Variants in NSD2 observed in about 807,000 individuals in gnomAD.
The protein encoded by NSD2 is nuclear receptor binding SET domain protein 2, also known as histone-lysine N-methyltransferase NSD2.
A neutral mutation model predicts 139.0 loss-of-function variants in NSD2; 12 were observed. The observed-to-expected ratio is 0.09, with a 90% CI of 0.06 to 0.14. The LOEUF (loss-of-function observed/expected upper bound fraction) is 0.14, where lower values mean the gene tolerates loss of function less well. Ranked by LOEUF, NSD2 falls within the 10% of genes least tolerant of loss-of-function variation. The pLI, the probability that NSD2 is intolerant of heterozygous loss-of-function variation, is 1.00. For synonymous variants in NSD2, 669 were observed against 648.7 expected, an observed-to-expected ratio of 1.03 and a Z score of -0.48; for missense variants, 1,155 against 1,745.0, an observed-to-expected ratio of 0.66 and a Z score of 6.02.
chr4:1,924,358 G>A (rs913629292), intron 5 of NSD2, among the ~76,000 whole-genome samples: 3 of 152,032 alleles, frequency 2.0e-5, no homozygotes, highest in Non-Finnish European at 2.9e-5. Flanking sequence ...GTAAGGCGGT[G>A]TCGGGTGGGA....
intron 1 of NSD2, among the ~76,000 whole-genome samples, chr4:1,875,249 GTGCCCGGCCAAGT>G (rs1714161277): frequency 6.6e-6 from 1 of 150,806 alleles, no homozygotes. Context: ...GTGAACCACT[GTGCCCGGCCAAGT>G]TGCAGTATAG....
intron 5 of NSD2, among the ~76,000 whole-genome samples, chr4:1,923,999 C>T (rs1720519046): frequency 6.6e-6 from 1 of 152,166 alleles, no homozygotes; most frequent in African/African-American, 2.4e-5. Context: ...ATGTGCCTCT[C>T]TCCAGGAGCC....
intron 1 of NSD2, among the ~76,000 whole-genome samples, chr4:1,896,176 C>T (rs760335527): frequency 2.6e-5 from 4 of 152,218 alleles, no homozygotes; most frequent in Admixed American, 2.0e-4. Flanking sequence ...GCCAGCTGCT[C>T]GCCATGACTC....
chr4:1,939,564 G>C (rs533769083), intron 8 of NSD2, 90 bp from the exon 9 acceptor site: 2 of 1,294,108 alleles, frequency 1.5e-6, no homozygotes, highest in East Asian at 2.4e-5. Context: ...TTCATCTTTA[G>C]AACTTCACTT....
intron 9 of NSD2, chr4:1,945,067 C>G: frequency 9.4e-7 from 1 of 1,066,318 alleles, no homozygotes; most frequent in African/African-American, 1.6e-5. Context: ...GCTCCTCTGT[C>G]CCACTGCTGC....
chr4:1,916,565 C>T (rs1207328589), intron 3 of NSD2, among the ~76,000 whole-genome samples: 1 of 152,258 alleles, frequency 6.6e-6, no homozygotes, highest in Non-Finnish European at 1.5e-5. Context: ...AGGCTGGTCT[C>T]GAAATCCTGA....
At chr4:1,919,080 C>T (rs1314209383) in intron 5 of NSD2, 1 of 157,802 alleles carries the variant, frequency 6.3e-6, no homozygotes, top group Admixed American at 6.1e-5. Flanking sequence ...CAGGAGGATC[C>T]CTTGAGTCCT....
Position 1,948,306 on chromosome 4 carries a change from G to T in NSD2, c.1882-2766G>T. 3 of 1,065,740 alleles carry T rather than the reference G, an allele frequency of 2.8e-6. No homozygotes were observed. The highest frequency in any genetic ancestry group is 3.4e-6 in the Non-Finnish European group (3 of 878,580). 66.0% of individuals were successfully genotyped at this position (1,065,740 alleles called of 1,614,324 possible). On this transcript the variant is annotated intron_variant, in intron 9 of 21. Coordinates refer to ENST00000508803, the MANE Select transcript of NSD2 (RefSeq NM_001042424.3). This position sits in a 1 kb window ranked among gnomAD's most constrained non-coding sequence, Gnocchi z 4.5. ...TTCCAAATGCATCTCGTTGGATATG[G>T]AATAGATCGTAGATGTTGTAGACTG...
At chr4:1,889,727 CCACTCCTGACCTCAGGTGATA>C (rs1331149609) in intron 1 of NSD2, among the ~76,000 whole-genome samples, 2 of 151,652 alleles carry the variant, frequency 1.3e-5, no homozygotes, top group Non-Finnish European at 2.9e-5. Flanking sequence ...CTCAGGTGAT[CCACTCCTGACCTCAGGTGATA>C]CACCCGCCTT....
intron 8 of NSD2, 86 bp downstream of exon 8, chr4:1,938,618 G>A (rs943339240): frequency 1.7e-6 from 2 of 1,181,842 alleles, no homozygotes; most frequent in African/African-American, 1.5e-5. Context: ...AAAGGGGAAG[G>A]CTGGGGCTGG....
chr4:1,953,747 G>A (rs1395129482), intron 12 of NSD2, among the ~76,000 whole-genome samples: 1 of 151,840 alleles, frequency 6.6e-6, no homozygotes, highest in African/African-American at 2.4e-5. Context: ...TTAACTATAG[G>A]AGAGGGGCAA....
intron 1 of NSD2, among the ~76,000 whole-genome samples, chr4:1,888,593 G>A (rs1175597102): frequency 1.3e-5 from 2 of 151,688 alleles, no homozygotes; most frequent in East Asian, 3.9e-4. Context: ...TTGAGACTGA[G>A]TCTCACTCTG....
chr4:1,938,596 G>A, intron 8 of NSD2, 64 bp downstream of exon 8: 4 of 760,488 alleles, frequency 5.3e-6, no homozygotes, highest in Non-Finnish European at 8.9e-6. Flanking sequence ...GGGTGGGTGG[G>A]CTGAGAGTGT....
At chr4:1,929,757 C>T (rs557382262) in intron 5 of NSD2, among the ~76,000 whole-genome samples, 1 of 152,280 alleles carries the variant, frequency 6.6e-6, no homozygotes, top group East Asian at 1.9e-4. Flanking sequence ...AGTGTGTCAG[C>T]CCTGTGCCCT....
chr4:1,905,903 A>G (rs1033909807), intron 3 of NSD2, among the ~76,000 whole-genome samples: 1 of 152,178 alleles, frequency 6.6e-6, no homozygotes, highest in Admixed American at 6.5e-5. Context: ...GTATGAAAAA[A>G]TAAATGCTGG....
chr4:1,892,078 T>C (rs1192471354), intron 1 of NSD2: 6 of 152,262 alleles, frequency 3.9e-5, no homozygotes, highest in Non-Finnish European at 8.8e-5. Context: ...AGGCATTTTG[T>C]TTGTTGCTCT....
chr4:1,977,350 C>T (rs755824485), intron 21 of NSD2, among the ~76,000 whole-genome samples: 5 of 152,342 alleles, frequency 3.3e-5, no homozygotes, highest in African/African-American at 9.6e-5. Flanking sequence ...ATGACTCTGG[C>T]GGTGCGCAGA....
chr4:1,898,690 C>CTTTT (rs79385915), intron 1 of NSD2, among the ~76,000 whole-genome samples: 1 of 134,846 alleles, frequency 7.4e-6, no homozygotes, highest in Non-Finnish European at 1.6e-5. Context: ...AAAAAACACA[C>CTTTT]TTTTTTTTTT....
chr4:1,904,507 AGTGATTGATTCAAGT>A (rs1717626715), intron 3 of NSD2, 129 bp downstream of exon 3: 2 of 983,888 alleles, frequency 2.0e-6, no homozygotes, highest in Non-Finnish European at 3.0e-6. Flanking sequence ...ACCTAAAGTT[AGTGATTGATTCAAGT>A]GTGATGTGTT....
Sources: allele counts gnomAD v4.1 joint callset (sites outside exome capture counted in the v4.1 genomes callset), GRCh38; gene constraint gnomAD v4.1.1; non-coding constraint Gnocchi (gnomAD v3.1); transcripts MANE v1.5; gene names NCBI Gene and HGNC (gene_info 2026-07-23, HGNC 2026-07-21).